ZNF385D: variants seen among roughly 807,000 people sequenced by gnomAD.
ZNF385D encodes the protein zinc finger protein 385D.
ZNF385D carries 15 observed loss-of-function variants against 35.8 expected under a neutral mutation model. The ratio of observed to expected loss-of-function variants is 0.42; its 90% CI spans 0.28 to 0.64. The LOEUF is 0.64. Among genes scored for constraint, ZNF385D ranks in the 30% least tolerant of loss-of-function variants. The pLI is 0.23. For missense variants in ZNF385D, 474 were observed against 494.6 expected (o/e 0.96, Z 0.39); for synonymous variants, 212 against 186.8 (o/e 1.13, Z -1.10).
chr3:21,982,481 G>C (rs937781508), intron 3 of ZNF385D, among the ~76,000 whole-genome samples: 1 of 152,038 alleles, frequency 6.6e-6, no homozygotes, highest in Non-Finnish European at 1.5e-5. Flanking sequence ...AGGAGCTTTT[G>C]GGCTGAGACT....
intron 1 of ZNF385D, among the ~76,000 whole-genome samples, chr3:21,728,155 G>T (rs2068844640): frequency 6.6e-6 from 1 of 152,056 alleles, no homozygotes; most frequent in Non-Finnish European, 1.5e-5. Context: ...GGCTAGGAGA[G>T]GGATAGCATT....
chr3:21,572,282 C>G (rs1207063438), intron 2 of ZNF385D, among the ~76,000 whole-genome samples: 1 of 152,088 alleles, frequency 6.6e-6, no homozygotes, highest in Non-Finnish European at 1.5e-5. Context: ...CATCCTTGTA[C>G]TTTTGATACA....
chr3:22,265,753 C>T (rs1700867002), intron 2 of ZNF385D, among the ~76,000 whole-genome samples: 2 of 151,882 alleles, frequency 1.3e-5, no homozygotes, highest in African/African-American at 4.8e-5. Flanking sequence ...ATCACTGATC[C>T]AACACCTACT....
At chr3:21,966,732 C>T in intron 3 of ZNF385D, among the ~76,000 whole-genome samples, 1 of 152,166 alleles carries the variant, frequency 6.6e-6, no homozygotes, top group East Asian at 1.9e-4. Flanking sequence ...CAGGCACGCA[C>T]CACCACGCCC....
intron 4 of ZNF385D, among the ~76,000 whole-genome samples, chr3:21,471,061 C>T (rs1703852935): frequency 6.6e-6 from 1 of 152,008 alleles, no homozygotes; most frequent in African/African-American, 2.4e-5. Context: ...GATGATGGGT[C>T]TCATGTTCTA....
chr3:21,437,510 T>G (rs1701619815), intron 4 of ZNF385D, among the ~76,000 whole-genome samples: 2 of 152,036 alleles, frequency 1.3e-5, no homozygotes, highest in South Asian at 4.1e-4. Context: ...CAACAATATT[T>G]ATAATATATT....
In ZNF385D at chr3:22,195,901, C is replaced by A. The variant is rs192315770; in HGVS notation, c.107-26866G>T. Among the ~76,000 whole-genome samples the A allele has an allele frequency of 1.5e-3, 223 of 152,062 alleles. 3 individuals are homozygous for A. The highest frequency in any genetic ancestry group is 9.3e-3 in the Admixed American group (141 of 15,194). ...CGTGGATGGAGCTGGAGAGTATCAT[C>A]CTTAGCAAACTAACACAGGAACAGT... On this transcript the variant is annotated intron_variant, in intron 2 of 5. Transcript: ENST00000494108.
intron 3 of ZNF385D, among the ~76,000 whole-genome samples, chr3:22,120,277 T>C (rs943253669): frequency 6.6e-6 from 1 of 152,028 alleles, no homozygotes; most frequent in East Asian, 1.9e-4. Flanking sequence ...ACTTCAGGTG[T>C]TGGAAGTTTG....
chr3:21,478,928 A>G (rs1015661592), intron 4 of ZNF385D, among the ~76,000 whole-genome samples: 3 of 152,064 alleles, frequency 2.0e-5, no homozygotes, highest in African/African-American at 7.2e-5. Context: ...TAAAATGTTT[A>G]GGTCATATAA....
chr3:21,738,297 C>T (rs2125513688), intron 1 of ZNF385D, among the ~76,000 whole-genome samples: 1 of 152,322 alleles, frequency 6.6e-6, no homozygotes, highest in Admixed American at 6.5e-5. Flanking sequence ...CTGTGTTATG[C>T]AGCCAGACAT....
intron 6 of ZNF385D, among the ~76,000 whole-genome samples, chr3:21,424,941 A>G (rs1048699277): frequency 3.3e-4 from 51 of 152,324 alleles, no homozygotes; most frequent in African/African-American, 1.1e-3. Context: ...GGCAATGTAT[A>G]AATGATCTCT....
chr3:22,062,096 G>C (rs967225081), intron 3 of ZNF385D, among the ~76,000 whole-genome samples: 1 of 152,052 alleles, frequency 6.6e-6, no homozygotes, highest in Non-Finnish European at 1.5e-5. Flanking sequence ...GGAGTGCAGT[G>C]GCATAATCAT....
chr3:21,982,488 G>C (rs911000809), intron 3 of ZNF385D, among the ~76,000 whole-genome samples: 6 of 152,096 alleles, frequency 3.9e-5, no homozygotes, highest in African/African-American at 1.4e-4. Context: ...TTTGGGCTGA[G>C]ACTATGAGGT....
At chr3:21,656,186 G>A (rs2066066692) in intron 2 of ZNF385D, among the ~76,000 whole-genome samples, 1 of 151,954 alleles carries the variant, frequency 6.6e-6, no homozygotes, top group African/African-American at 2.4e-5. Context: ...TGGATTACCA[G>A]TTGTCAGGAA....
At chr3:22,085,277 C>G (rs1700969011) in intron 3 of ZNF385D, among the ~76,000 whole-genome samples, 2 of 152,032 alleles carry the variant, frequency 1.3e-5, no homozygotes, top group Non-Finnish European at 2.9e-5. Context: ...TTCAAAAAAT[C>G]AATGAATCCA....
At chr3:21,997,993 G>A (rs760011802) in intron 3 of ZNF385D, among the ~76,000 whole-genome samples, 8 of 151,832 alleles carry the variant, frequency 5.3e-5, no homozygotes, top group Non-Finnish European at 1.2e-4. Flanking sequence ...GATCAAAACA[G>A]GATGTAGCAA....
chr3:21,822,718 G>T (rs995456879), intron 3 of ZNF385D, among the ~76,000 whole-genome samples: 1 of 151,946 alleles, frequency 6.6e-6, no homozygotes, highest in Non-Finnish European at 1.5e-5. Flanking sequence ...AATAACTGTG[G>T]AATACTTATA....
At chr3:21,934,761 C>T (rs998030490) in intron 3 of ZNF385D, among the ~76,000 whole-genome samples, 1 of 152,194 alleles carries the variant, frequency 6.6e-6, no homozygotes, top group African/African-American at 2.4e-5. Flanking sequence ...TTGAGGAAGG[C>T]TGCTTTGGCT....
chr3:22,210,561 T>C (rs1697453814), intron 2 of ZNF385D, among the ~76,000 whole-genome samples: 1 of 151,902 alleles, frequency 6.6e-6, no homozygotes, highest in African/African-American at 2.4e-5. Context: ...TAGTTCTTGA[T>C]CTGAAAGAGT....
Sources: gnomAD v4.1 joint callset for allele counts (sites outside exome capture counted in the v4.1 genomes callset) on GRCh38, gnomAD v4.1.1 for gene constraint, MANE v1.5 for transcripts, NCBI Gene and HGNC (gene_info 2026-07-23, HGNC 2026-07-21) for gene names.